Variants in PBX1 observed in about 807,000 individuals in gnomAD.
PBX1 encodes pre-B-cell leukemia transcription factor 1.
PBX1 carries 6 observed loss-of-function variants against 53.4 expected under a neutral mutation model. The observed-to-expected ratio is 0.11, with a 90% CI of 0.06 to 0.22. The LOEUF is 0.22. PBX1 is among the 10% of genes least tolerant of loss of function. PBX1 has a pLI of 1.00. For synonymous variants in PBX1, 204 were observed against 212.3 expected (o/e 0.96, Z 0.34); for missense variants, 251 against 551.4 (o/e 0.46, Z 5.46).
In PBX1 at chr1:164,761,507, C is replaced by T. The variant is rs1454899647; in HGVS notation, c.266-30987C>T. Among the ~76,000 whole-genome samples the T allele has an allele frequency of 3.3e-5, 5 of 151,852 alleles. No homozygotes were observed. In the East Asian group the frequency reaches 7.8e-4, roughly 24 times the overall value. ...TCGCCCAGGCTGGAGTGCAGTGGCG[C>T]GATCTCGACTCACTGCAAGCTCCGC... On this transcript the variant is annotated intron_variant, in intron 2 of 8. Transcript: ENST00000420696.
At chr1:164,570,453 G>A (rs1310599925) in intron 2 of PBX1, among the ~76,000 whole-genome samples, 1 of 152,096 alleles carries the variant, frequency 6.6e-6, no homozygotes, top group African/African-American at 2.4e-5. Context: ...GTGAGAACAT[G>A]CGGTGTTTGA....
chr1:164,682,807 G>A (rs1225254368), intron 2 of PBX1: 1 of 152,122 alleles, frequency 6.6e-6, no homozygotes, highest in Non-Finnish European at 1.5e-5. Flanking sequence ...TTCGTCCCTG[G>A]GAAACAACTT....
At chr1:164,866,145 C>T (rs958623772) in intron 2 of PBX1, among the ~76,000 whole-genome samples, 10 of 152,156 alleles carry the variant, frequency 6.6e-5, no homozygotes, top group African/African-American at 2.4e-4. Flanking sequence ...TGTTTTAAAA[C>T]CAATAAAGCC....
downstream of PBX1, among the ~76,000 whole-genome samples, chr1:164,855,806 T>C (rs1320009335): frequency 2.6e-5 from 4 of 152,216 alleles, no homozygotes; most frequent in African/African-American, 9.7e-5. Context: ...TCCTATATCC[T>C]GAGGGAAACA....
chr1:164,570,078 T>C (rs1219123143), intron 2 of PBX1, among the ~76,000 whole-genome samples: 1 of 152,164 alleles, frequency 6.6e-6, no homozygotes, highest in Non-Finnish European at 1.5e-5. Flanking sequence ...ACTGGAGGCA[T>C]TGTGTAATCA....
chr1:164,591,696 AT>A (rs1655393972), intron 2 of PBX1, among the ~76,000 whole-genome samples: 1 of 152,210 alleles, frequency 6.6e-6, no homozygotes, highest in Non-Finnish European at 1.5e-5. Context: ...TTTCTTTTTA[AT>A]GTTTCCTAAC....
At chr1:164,765,416 G>A (rs1182847038) in intron 2 of PBX1, among the ~76,000 whole-genome samples, 1 of 152,200 alleles carries the variant, frequency 6.6e-6, no homozygotes, top group African/African-American at 2.4e-5. Context: ...CAGGAAGAGG[G>A]AACTTGGCTT....
chr1:164,809,375 TC>T (rs1669500559), intron 5 of PBX1, among the ~76,000 whole-genome samples: 1 of 152,168 alleles, frequency 6.6e-6, no homozygotes. Flanking sequence ...CTTTCCTCTG[TC>T]CATGCCAAAG....
Position 164,832,818 on chromosome 1 carries a change from C to T in PBX1, c.1200+11192C>T, listed in dbSNP as rs190037801. The stretch of plus-strand genomic sequence containing the variant: ...ATGAAGGTTAAAAGCAATTAAGATA[C>T]ACGGGTACTGAAGAGAATAATAAAA... On this transcript the variant is annotated intron_variant, in intron 8 of 8. Coordinates refer to ENST00000420696, the MANE Select transcript of PBX1 (RefSeq NM_002585.4). Among the ~76,000 whole-genome samples the T allele has an allele frequency of 1.2e-3, 187 of 151,952 alleles. 1 individual carries two copies. Among genetic ancestry groups the T allele is most frequent in the Non-Finnish European group, 2.1e-3 (144 of 67,980 alleles).
intron 2 of PBX1, among the ~76,000 whole-genome samples, chr1:164,880,221 T>C (rs556426741): frequency 6.6e-6 from 1 of 152,334 alleles, no homozygotes; most frequent in East Asian, 1.9e-4. Context: ...GCACCTTCTG[T>C]GTGGAGACCT....
chr1:164,781,004 G>A (rs1667909056), intron 2 of PBX1, among the ~76,000 whole-genome samples: 1 of 152,130 alleles, frequency 6.6e-6, no homozygotes, highest in Admixed American at 6.5e-5. Context: ...CAGCCTGTTT[G>A]CCTGTGTGTT....
chr1:164,808,401 A>G (rs550643678), intron 5 of PBX1, among the ~76,000 whole-genome samples: 1 of 152,344 alleles, frequency 6.6e-6, no homozygotes, highest in Admixed American at 6.5e-5. Flanking sequence ...CAAACTTCTT[A>G]TTCAGTCTGA....
chr1:164,573,482 A>ATCTTT (rs1357409153), intron 2 of PBX1, among the ~76,000 whole-genome samples: 1 of 143,454 alleles, frequency 7.0e-6, no homozygotes, highest in African/African-American at 2.6e-5. Flanking sequence ...TTTACAGCAC[A>ATCTTT]TCTTTTTTTT....
chr1:164,853,188 G>A (rs188735573), downstream of PBX1, among the ~76,000 whole-genome samples: 1 of 152,200 alleles, frequency 6.6e-6, no homozygotes, highest in Admixed American at 6.5e-5. Flanking sequence ...AGAAGGGAAA[G>A]GGTGTGAAGA....
chr1:164,814,761 A>C lies in PBX1; in HGVS notation c.997+2612A>C, dbSNP rs1333104233. ...CTCCAAAAACAAAACAAACAAACAAACAAAAAAACCAAATATATTTCTTTG... is the reference window on the plus strand; with the variant it reads ...CTCCAAAAACAAAACAAACAAACAACCAAAAAAACCAAATATATTTCTTTG... On this transcript the variant is annotated intron_variant, in intron 6 of 8. Coordinates refer to ENST00000420696, the MANE Select transcript of PBX1 (RefSeq NM_002585.4). 3 of 154,534 alleles carry C rather than the reference A, an allele frequency of 1.9e-5. No homozygotes were observed. In the East Asian group the frequency reaches 5.6e-4, roughly 29 times the overall value. The allele number at this position is 154,534 out of a possible 1,614,324, so 9.6% of individuals were successfully genotyped here.
intron 2 of PBX1, among the ~76,000 whole-genome samples, chr1:164,689,130 G>A (rs1662304512): frequency 6.6e-6 from 1 of 152,174 alleles, no homozygotes; most frequent in South Asian, 2.1e-4. Flanking sequence ...CCTCATTGCT[G>A]GGTACGCTGA....
intron 2 of PBX1, among the ~76,000 whole-genome samples, chr1:164,752,313 A>C (rs1421262458): frequency 6.6e-6 from 1 of 151,528 alleles, no homozygotes; most frequent in Non-Finnish European, 1.5e-5. Context: ...ATCTCTACTC[A>C]TAATTTCCTT....
chr1:164,860,723 G>A (rs1165674616), intron 2 of PBX1, among the ~76,000 whole-genome samples: 1 of 152,106 alleles, frequency 6.6e-6, no homozygotes, highest in Non-Finnish European at 1.5e-5. Flanking sequence ...CCTCTAGTGT[G>A]TCTTTGGTCC....
intron 2 of PBX1, among the ~76,000 whole-genome samples, chr1:164,655,846 T>A (rs974000300): frequency 6.6e-6 from 1 of 152,170 alleles, no homozygotes; most frequent in Non-Finnish European, 1.5e-5. Flanking sequence ...ATGATTGTCA[T>A]AGTCTAACAT....
Sources: gnomAD v4.1 joint callset for allele counts (sites outside exome capture counted in the v4.1 genomes callset) on GRCh38, gnomAD v4.1.1 for gene constraint, MANE v1.5 for transcripts, NCBI Gene and HGNC (gene_info 2026-07-23, HGNC 2026-07-21) for gene names.